Variants in ARSJ observed in about 807,000 individuals in gnomAD.
ARSJ encodes arylsulfatase family member J, also known as arylsulfatase J.
A neutral mutation model predicts 35.9 loss-of-function variants in ARSJ; 26 were observed. That is an observed-to-expected ratio of 0.72 (90% CI 0.53 to 1.00). The LOEUF is 1.00. Ranked by LOEUF, ARSJ falls within the 50% of genes least tolerant of loss-of-function variation. The pLI is 0.00. For synonymous variants in ARSJ, 294 were observed against 267.6 expected, an observed-to-expected ratio of 1.10 and a Z score of -0.96; for missense variants, 667 against 723.6, an observed-to-expected ratio of 0.92 and a Z score of 0.90.
chr4:113,925,332 G>C (rs1382684566), intron 1 of ARSJ, among the ~76,000 whole-genome samples: 1 of 151,992 alleles, frequency 6.6e-6, no homozygotes, highest in Non-Finnish European at 1.5e-5. Flanking sequence ...CAAAAATTTT[G>C]CTAGTGGATC....
At chr4:113,907,611 A>G (rs1562333137) in intron 1 of ARSJ, among the ~76,000 whole-genome samples, 1 of 152,138 alleles carries the variant, frequency 6.6e-6, no homozygotes, top group South Asian at 2.1e-4. Flanking sequence ...GAAAAAAAGT[A>G]AAGAAAAGAA....
At position 113,900,592 on chromosome 4, in the gene ARSJ, A is replaced by G. The variant is rs909527743; in HGVS notation, c.*1682T>C. 6.6e-6 allele frequency: 1 copy of G among 152,172 alleles called. No homozygotes were observed. Among genetic ancestry groups the G allele is most frequent in the Non-Finnish European group, 1.5e-5 (1 of 68,030 alleles). 9.4% of individuals were successfully genotyped at this position (152,172 alleles called of 1,614,324 possible). Reference sequence around the variant, plus strand: ...TTTGAGCTGTGATGTAAATGTATTTAATGGTATGCTGTCATACCACCACAC... The same window carrying G: ...TTTGAGCTGTGATGTAAATGTATTTGATGGTATGCTGTCATACCACCACAC... On this transcript the variant is annotated 3_prime_UTR_variant, in exon 2 of 2. Transcript: ENST00000315366.
chr4:113,906,444 A>C (rs1440215752), intron 1 of ARSJ, among the ~76,000 whole-genome samples: 1 of 152,232 alleles, frequency 6.6e-6, no homozygotes, highest in Non-Finnish European at 1.5e-5. Flanking sequence ...CAGAGCTACT[A>C]ATCAACTATG....
intron 1 of ARSJ, among the ~76,000 whole-genome samples, chr4:113,913,359 G>A (rs1352625514): frequency 6.6e-6 from 1 of 151,820 alleles, no homozygotes; most frequent in East Asian, 1.9e-4. Flanking sequence ...ATTCTTTTCT[G>A]GAAATAGTTT....
intron 1 of ARSJ, among the ~76,000 whole-genome samples, chr4:113,940,350 G>A (rs1384227458): frequency 6.6e-6 from 1 of 152,102 alleles, no homozygotes; most frequent in Non-Finnish European, 1.5e-5. Context: ...GGACATGGAT[G>A]GAGCTGGAAA....
chr4:113,959,412 G>A (rs946075269), intron 1 of ARSJ, among the ~76,000 whole-genome samples: 6 of 151,906 alleles, frequency 3.9e-5, no homozygotes, highest in Non-Finnish European at 8.8e-5. Flanking sequence ...ATGAGTCAGA[G>A]TAATAAAGCT....
intron 1 of ARSJ, among the ~76,000 whole-genome samples, chr4:113,961,445 G>A (rs1404112577): frequency 6.6e-6 from 1 of 152,102 alleles, no homozygotes; most frequent in Admixed American, 6.6e-5. Flanking sequence ...AATACTGTGT[G>A]TGGTAACTAA....
At chr4:113,945,918 G>C (rs1318274313) in intron 1 of ARSJ, among the ~76,000 whole-genome samples, 1 of 152,018 alleles carries the variant, frequency 6.6e-6, no homozygotes, top group Non-Finnish European at 1.5e-5. Context: ...GGATTCCTGA[G>C]GGCTTAAAAA....
intron 1 of ARSJ, among the ~76,000 whole-genome samples, chr4:113,978,114 C>T (rs1458144239): frequency 6.6e-6 from 1 of 152,138 alleles, no homozygotes; most frequent in Non-Finnish European, 1.5e-5. Context: ...TCTGAGCATG[C>T]TCAAAAGTAG....
chr4:113,916,974 C>A lies in ARSJ; in HGVS notation c.399-13299G>T, dbSNP rs993385724. Among the ~76,000 whole-genome samples, 9 of 152,228 alleles carry A rather than the reference C, an allele frequency of 5.9e-5. 1 individual carries two copies. The highest frequency in any genetic ancestry group is 1.9e-4 in the African/African-American group (8 of 41,544). On this transcript the variant is annotated intron_variant, in intron 1 of 1. Coordinates refer to ENST00000315366, the MANE Select transcript of ARSJ (RefSeq NM_024590.4). ...ATGCTGTGTTGTAATTACTTATAAT[C>A]AAAAACCAACTGACGGATACATCTC...
intron 1 of ARSJ, among the ~76,000 whole-genome samples, chr4:113,912,402 G>T (rs1722972272): frequency 6.6e-6 from 1 of 152,116 alleles, no homozygotes; most frequent in Non-Finnish European, 1.5e-5. Flanking sequence ...TTCTTTAGTA[G>T]AATGGTGTGG....
chr4:113,906,219 T>G (rs17620581), intron 1 of ARSJ, among the ~76,000 whole-genome samples: 11,471 of 152,192 alleles, frequency 0.075, 448 homozygotes, highest in East Asian at 0.11. Flanking sequence ...TGCAGAAAAT[T>G]GATTTGACTG....
intron 1 of ARSJ, among the ~76,000 whole-genome samples, chr4:113,906,029 G>C (rs2099668653): frequency 6.6e-6 from 1 of 152,042 alleles, no homozygotes; most frequent in Non-Finnish European, 1.5e-5. Flanking sequence ...ACAAGTGAAT[G>C]TTTTAGACAC....
chr4:113,926,696 T>C (rs776313629), intron 1 of ARSJ, among the ~76,000 whole-genome samples: 15 of 152,144 alleles, frequency 9.9e-5, no homozygotes, highest in Non-Finnish European at 2.1e-4. Context: ...AATGCTGCTG[T>C]GCACAACCCA....
intron 1 of ARSJ, among the ~76,000 whole-genome samples, chr4:113,912,460 C>T (rs979381536): frequency 6.6e-6 from 1 of 151,532 alleles, no homozygotes; most frequent in African/African-American, 2.4e-5. Context: ...AAAGTGAAAA[C>T]GTATAGATGG....
At chr4:113,945,648 C>T (rs1725429741) in intron 1 of ARSJ, among the ~76,000 whole-genome samples, 1 of 152,000 alleles carries the variant, frequency 6.6e-6, no homozygotes, top group Admixed American at 6.6e-5. Context: ...ATAAACAGCT[C>T]TGAGAAAACC....
chr4:113,944,828 C>T (rs886262703), intron 1 of ARSJ, among the ~76,000 whole-genome samples: 2 of 151,924 alleles, frequency 1.3e-5, no homozygotes, highest in African/African-American at 4.8e-5. Context: ...TATTTTGTTG[C>T]CTATGAATAT....
intron 1 of ARSJ, among the ~76,000 whole-genome samples, chr4:113,967,322 A>T (rs1726957228): frequency 6.6e-6 from 1 of 152,290 alleles, no homozygotes; most frequent in East Asian, 1.9e-4. Flanking sequence ...CAAAATTTAT[A>T]GGAGTAGTTG....
At chr4:113,938,506 A>C (rs1012062933) in intron 1 of ARSJ, among the ~76,000 whole-genome samples, 2 of 152,024 alleles carry the variant, frequency 1.3e-5, no homozygotes, top group Non-Finnish European at 2.9e-5. Context: ...AAAACATCAA[A>C]AACAATTGCA....
Sources: gnomAD v4.1 joint callset for allele counts (sites outside exome capture counted in the v4.1 genomes callset) on GRCh38, gnomAD v4.1.1 for gene constraint, MANE v1.5 for transcripts, NCBI Gene and HGNC (gene_info 2026-07-23, HGNC 2026-07-21) for gene names.